The following LRRC8E variants were observed in gnomAD, a reference collection of about 807,000 sequenced individuals.
LRRC8E encodes the protein leucine rich repeat containing 8 VRAC subunit E.
Under a neutral mutation model 6.1 loss-of-function variants are expected in LRRC8E, and 6 were observed. That is an observed-to-expected ratio of 0.98 (90% CI 0.54 to 1.93). LRRC8E has a LOEUF of 1.93. LRRC8E is among the 30% of genes most tolerant of loss of function. LRRC8E has a pLI of 0.01. For synonymous variants in LRRC8E, 485 were observed against 472.8 expected, an observed-to-expected ratio of 1.03 and a Z score of -0.33; for missense variants, 1,028 against 1,031.4, an observed-to-expected ratio of 1.00 and a Z score of 0.04.
intron 1 of LRRC8E, among the ~76,000 whole-genome samples, chr19:7,891,992 T>C (rs1281826474): frequency 6.6e-6 from 1 of 151,834 alleles, no homozygotes; most frequent in Admixed American, 6.6e-5. Flanking sequence ...CTCTAACTCC[T>C]GGGTTCAAGC....
intron 2 of LRRC8E, among the ~76,000 whole-genome samples, chr19:7,897,772 G>A (rs1477024984): frequency 6.6e-6 from 1 of 151,918 alleles, no homozygotes; most frequent in Non-Finnish European, 1.5e-5. Context: ...TACTGGCTTT[G>A]TCTTGACTAC....
rs748077510 is a variant in LRRC8E, at chr19:7,895,496, A to AG, written c.-5-100dup. ...GTGGTTTGGACAAGTTTGGGCAGGG[A>AG]GGGTCACAGGCCTGCCTGTGTCCGG... On this transcript the variant is annotated intron_variant, in intron 1 of 2. Coordinates refer to ENST00000306708, the MANE Select transcript of LRRC8E (RefSeq NM_025061.6). The surrounding 1 kb of genome is among the most constrained non-coding windows in gnomAD (Gnocchi z 4.7). 13 of 1,432,308 alleles carry AG rather than the reference A, an allele frequency of 9.1e-6. No individual in the cohort carries two copies. Among genetic ancestry groups the AG allele is most frequent in the Non-Finnish European group, 1.3e-5 (13 of 1,037,474 alleles). 88.7% of individuals were successfully genotyped at this position (1,432,308 alleles called of 1,614,324 possible). A position where few individuals can be genotyped will look rare whatever the true frequency, so the allele number is the denominator to read the frequency against.
chr19:7,891,322 G>C (rs1267223684), intron 1 of LRRC8E, among the ~76,000 whole-genome samples: 2 of 152,104 alleles, frequency 1.3e-5, no homozygotes, highest in Non-Finnish European at 2.9e-5. Flanking sequence ...GACAAAGTGG[G>C]GGCCTATTTT....
chr19:7,892,233 C>T (rs768797311), intron 1 of LRRC8E, among the ~76,000 whole-genome samples: 2 of 152,046 alleles, frequency 1.3e-5, no homozygotes, highest in Non-Finnish European at 2.9e-5. Context: ...CCACTATGCC[C>T]GGCTAATTTT....
In LRRC8E at chr19:7,900,391, C is replaced by A. The variant is rs760483946; in HGVS notation, c.1869C>A (p.Ile623=). ...ACCACCTGCGCTCCATCGAGGAAAT[C>A]CTCAGCTTCCAGCACTGCCGGAAGC... The part of the protein sequence containing the change: ...KDNHLRSIEE[I]LSFQHCRKLV... Residue 623 remains isoleucine (I), a synonymous_variant, in exon 3 of 3, where the codon ATC becomes ATA. Transcript: ENST00000306708. This position sits in a 1 kb window ranked among gnomAD's most constrained non-coding sequence, Gnocchi z 5.0. The A allele has an allele frequency of 7.4e-6, 12 of 1,612,880 alleles. No individual in the cohort carries two copies. The South Asian group carries it at 1.3e-4, about 18-fold the overall frequency.
Position 7,898,816 on chromosome 19 carries a change from A to G in LRRC8E, c.294A>G (p.Gln98=), listed in dbSNP as rs1354720215. 2 of 1,614,216 alleles carry G rather than the reference A, an allele frequency of 1.2e-6. No individual in the cohort carries two copies. Among genetic ancestry groups the G allele is most frequent in the East Asian group, 2.2e-5 (1 of 44,894 alleles). ...KGLKNNLDLQ[Q]YSFINQLCYE... is the part of the protein sequence containing the mutation. ...TTAAGAACAATTTGGACCTGCAGCA[A>G]TACAGCTTTATTAACCAGCTGTGTT... is the stretch of plus-strand genomic sequence containing the variant. Residue 98 remains glutamine, a synonymous_variant, in exon 3 of 3, where the codon CAA becomes CAG. Coordinates refer to ENST00000306708, the MANE Select transcript of LRRC8E (RefSeq NM_025061.6).
At position 7,898,848 on chromosome 19, in the gene LRRC8E, C is replaced by T. The variant is rs147444920; in HGVS notation, c.326C>T (p.Thr109Met). 2.4e-5 allele frequency: 38 copies of T among 1,614,216 alleles called. No homozygotes were observed. Among genetic ancestry groups the T allele is most frequent in the Middle Eastern group, 3.3e-4 (2 of 6,062 alleles). Residue 109 changes from threonine to methionine, a missense_variant, in exon 3 of 3, where the codon ACG (threonine) becomes ATG (methionine). Thr to Met is a moderately conservative substitution (Grantham distance 81). Coordinates refer to ENST00000306708, the MANE Select transcript of LRRC8E (RefSeq NM_025061.6). ...TTTATTAACCAGCTGTGTTATGAGACGGCCCTGCACTGGTATGCCAAGTAC... is the reference window on the plus strand; with the variant it reads ...TTTATTAACCAGCTGTGTTATGAGATGGCCCTGCACTGGTATGCCAAGTAC... Reference protein sequence around the residue: ...YSFINQLCYETALHWYAKYFP... With the variant: ...YSFINQLCYEMALHWYAKYFP...
rs1981939982 is a variant in LRRC8E, at chr19:7,900,556, C to T, written c.2034C>T (p.Leu678=). ...LPSQLGLCSG[L]RLLDVSHNGL... is the part of the protein sequence containing the mutation. ...CCCAGCTCGGCCTGTGCTCAGGCCTCCGTCTGCTGGATGTGTCCCACAATG... is the reference window on the plus strand; with the variant it reads ...CCCAGCTCGGCCTGTGCTCAGGCCTTCGTCTGCTGGATGTGTCCCACAATG... The change falls in exon 3 of 3, where the codon CTC becomes CTT. Residue 678 remains leucine (L), a synonymous_variant. Transcript: ENST00000306708. This position sits in a 1 kb window ranked among gnomAD's most constrained non-coding sequence, Gnocchi z 5.0. 6.2e-7 allele frequency: 1 copy of T among 1,613,154 alleles called. No individual in the cohort carries two copies. Among genetic ancestry groups the T allele is most frequent in the African/African-American group, 1.3e-5 (1 of 75,076 alleles).
rs112260910 is a variant in LRRC8E, at chr19:7,900,343, G to T, written c.1821G>T (p.Leu607=). 2.8e-4 allele frequency: 458 copies of T among 1,613,162 alleles called. 2 individuals carry two copies. The African/African-American group carries it at 5.6e-3, about 20-fold the overall frequency. Residue 607 remains leucine (L), a synonymous_variant, in exon 3 of 3, where the codon CTG becomes CTT. Coordinates refer to ENST00000306708, the MANE Select transcript of LRRC8E (RefSeq NM_025061.6). The surrounding 1 kb of genome is among the most constrained non-coding windows in gnomAD (Gnocchi z 5.0). The part of the protein sequence containing the change: ...IPHAVFSLGA[L]QELDLKDNHL... ...ATGCAGTGTTCAGCCTGGGTGCGCT[G>T]CAGGAACTTGACCTCAAGGACAACC... is the stretch of plus-strand genomic sequence containing the variant.
rs1410948601 is a variant in LRRC8E at position 7,900,731 on chromosome 19, CT to C, written c.2210del (p.Leu737ProfsTer21). 1 of 1,613,030 alleles carries C rather than the reference CT, an allele frequency of 6.2e-7. No individual in the cohort carries two copies. Among genetic ancestry groups the C allele is most frequent in the Non-Finnish European group, 8.5e-7 (1 of 1,179,842 alleles). ...LLLGDNQLSQ[L>X]SPHVGALRAL... ...TCTGGGCGACAACCAGCTGAGCCAG[CT>C]CTCGCCCCACGTGGGTGCCCTCAGA... On this transcript the variant is annotated frameshift_variant, in exon 3 of 3. Transcript: ENST00000306708. LOFTEE classifies it low-confidence loss of function (END_TRUNC). The surrounding 1 kb of genome is among the most constrained non-coding windows in gnomAD (Gnocchi z 5.0).
At position 7,901,424 on chromosome 19, in the gene LRRC8E, A is replaced by G. The variant is rs1383988370; in HGVS notation, c.*511A>G. ...GGTTCTCATTTGGCTAAGCATCAAA[A>G]TCACCTAGGGAGTCGGTGCAAAACA... On this transcript the variant is annotated 3_prime_UTR_variant, in exon 3 of 3. Transcript: ENST00000306708. 1 of 152,492 alleles carries G rather than the reference A, an allele frequency of 6.6e-6. No individual in the cohort carries two copies. Among genetic ancestry groups the G allele is most frequent in the African/African-American group, 2.4e-5 (1 of 41,444 alleles). 9.4% of individuals were successfully genotyped at this position (152,492 alleles called of 1,614,324 possible).
rs553242590 is a variant in LRRC8E at position 7,895,454 on chromosome 19, T to G, written c.-5-145T>G. 1 of 947,148 alleles carries G rather than the reference T, an allele frequency of 1.1e-6. No individual in the cohort carries two copies. Among genetic ancestry groups the G allele is most frequent in the Non-Finnish European group, 1.6e-6 (1 of 624,784 alleles). The allele number at this position is 947,148 out of a possible 1,614,324, so 58.7% of individuals were successfully genotyped here. ...GACTAAGGCCAGGCTAAGAGGGAAG[T>G]GGGGGCACACACTTTGGTGGTTTGG... On this transcript the variant is annotated intron_variant, in intron 1 of 2. Transcript: ENST00000306708. The surrounding 1 kb of genome is among the most constrained non-coding windows in gnomAD (Gnocchi z 4.7).
Position 7,900,382 on chromosome 19 carries a change from C to G in LRRC8E, c.1860C>G (p.Ile620Met), listed in dbSNP as rs374009983. 1.9e-6 allele frequency: 3 copies of G among 1,612,736 alleles called. No homozygotes were observed. Among genetic ancestry groups the G allele is most frequent in the Non-Finnish European group, 2.5e-6 (3 of 1,179,858 alleles). ...TCAAGGACAACCACCTGCGCTCCAT[C>G]GAGGAAATCCTCAGCTTCCAGCACT... ...LDLKDNHLRS[I>M]EEILSFQHCR... The change falls in exon 3 of 3, where the codon ATC (isoleucine) becomes ATG (methionine). Residue 620 changes from isoleucine to methionine, a missense_variant. By Grantham distance (10) the Ile-to-Met change is conservative (BLOSUM62 1). Coordinates refer to ENST00000306708, the MANE Select transcript of LRRC8E (RefSeq NM_025061.6). This position sits in a 1 kb window ranked among gnomAD's most constrained non-coding sequence, Gnocchi z 5.0.
At position 7,898,697 on chromosome 19, in the gene LRRC8E, G is replaced by A. The variant is rs1255645476; in HGVS notation, c.175G>A (p.Glu59Lys). Residue 59 changes from glutamate to lysine, a missense_variant, in exon 3 of 3, where the codon GAG becomes AAG. Coordinates refer to ENST00000306708, the MANE Select transcript of LRRC8E (RefSeq NM_025061.6). ...QDKIICLPNH[E>K]LQENLSEAPC... Reference sequence around the variant, plus strand: ...CAAGATCATCTGTCTACCCAATCATGAGCTCCAGGAGAACTTATCAGAGGC... The same window carrying A: ...CAAGATCATCTGTCTACCCAATCATAAGCTCCAGGAGAACTTATCAGAGGC... 3 of 1,612,354 alleles carry A rather than the reference G, an allele frequency of 1.9e-6. No individual in the cohort carries two copies. Among genetic ancestry groups the A allele is most frequent in the African/African-American group, 1.3e-5 (1 of 74,864 alleles).
rs761388833 is a variant in LRRC8E, at chr19:7,899,283, T to C, written c.761T>C (p.Met254Thr). 2.5e-6 allele frequency: 4 copies of C among 1,614,092 alleles called. No homozygotes were observed. The highest frequency in any genetic ancestry group is 1.7e-5 in the Admixed American group (1 of 60,006). Reference protein sequence around the residue: ...HVEEGDILYTMYIRQTVLKVC... With the variant: ...HVEEGDILYTTYIRQTVLKVC... ...GAAGAGGGCGACATCCTGTACACCA[T>C]GTACATCCGACAGACGGTGCTGAAA... The change falls in exon 3 of 3, where the codon ATG becomes ACG. Residue 254 changes from methionine to threonine, a missense_variant. Coordinates refer to ENST00000306708, the MANE Select transcript of LRRC8E (RefSeq NM_025061.6).
In LRRC8E at chr19:7,900,994, A is replaced by G; in HGVS notation, c.*81A>G. 7.2e-6 allele frequency: 6 copies of G among 834,196 alleles called. No individual in the cohort carries two copies. The highest frequency in any genetic ancestry group is 1.0e-5 in the Non-Finnish European group (6 of 586,208). The allele number at this position is 834,196 out of a possible 1,614,324, so 51.7% of individuals were successfully genotyped here. Reference sequence around the variant, plus strand: ...TCAACCATTGTCTTCCAAGATAGGAAGCCAAGTGGGTCCAGGCCAGGAGAT... The same window carrying G: ...TCAACCATTGTCTTCCAAGATAGGAGGCCAAGTGGGTCCAGGCCAGGAGAT... On this transcript the variant is annotated 3_prime_UTR_variant, in exon 3 of 3. Transcript: ENST00000306708. The surrounding 1 kb of genome is among the most constrained non-coding windows in gnomAD (Gnocchi z 5.0).
At chr19:7,888,630 C>G (rs1219871727) in intron 1 of LRRC8E, 30 bp downstream of exon 1, 1 of 152,288 alleles carries the variant, frequency 6.6e-6, no homozygotes, top group Admixed American at 6.5e-5. Flanking sequence ...CCTCTGGACA[C>G]CCCACGAGGT....
At chr19:7,889,613 C>T (rs1422913505) in intron 1 of LRRC8E, among the ~76,000 whole-genome samples, 2 of 147,022 alleles carry the variant, frequency 1.4e-5, no homozygotes, top group Non-Finnish European at 1.5e-5. Context: ...CATGGTAGCA[C>T]GCACCTGTGG....
Position 7,895,455 on chromosome 19 carries a change from G to T in LRRC8E, c.-5-144G>T, listed in dbSNP as rs986947930. ...ACTAAGGCCAGGCTAAGAGGGAAGT[G>T]GGGGCACACACTTTGGTGGTTTGGA... On this transcript the variant is annotated intron_variant, in intron 1 of 2. Transcript: ENST00000306708. The surrounding 1 kb of genome is among the most constrained non-coding windows in gnomAD (Gnocchi z 4.7). The T allele has an allele frequency of 1.0e-6, 1 of 960,212 alleles. No homozygotes were observed. The highest frequency in any genetic ancestry group is 2.6e-5 in the East Asian group (1 of 38,502). 59.5% of individuals were successfully genotyped at this position (960,212 alleles called of 1,614,324 possible). A position where few individuals can be genotyped will look rare whatever the true frequency, so the allele number is the denominator to read the frequency against.
Sources: gnomAD v4.1 joint callset for allele counts (sites outside exome capture counted in the v4.1 genomes callset) on GRCh38, gnomAD v4.1.1 for gene constraint, Gnocchi (gnomAD v3.1) non-coding constraint, MANE v1.5 for transcripts, NCBI Gene and HGNC (gene_info 2026-07-23, HGNC 2026-07-21) for gene names.